The following NUP153 variants were observed in gnomAD, a reference collection of about 807,000 sequenced individuals.
NUP153 encodes the protein nucleoporin 153.
NUP153 carries 27 observed loss-of-function variants against 134.6 expected under a neutral mutation model. The ratio of observed to expected loss-of-function variants is 0.20; its 90% CI spans 0.15 to 0.28. The LOEUF (loss-of-function observed/expected upper bound fraction) is 0.28, where lower values mean the gene tolerates loss of function less well. Ranked by LOEUF, NUP153 falls within the 10% of genes least tolerant of loss-of-function variation. The pLI, the probability that NUP153 is intolerant of heterozygous loss-of-function variation, is 1.00. For missense variants in NUP153, 1,821 were observed against 1,731.3 expected (o/e 1.05, Z -0.92); for synonymous variants, 640 against 623.5 (o/e 1.03, Z -0.40).
rs140998716 is a variant in NUP153 at position 17,642,803 on chromosome 6, G to A, written c.1721-2739C>T. Among the ~76,000 whole-genome samples the A allele has an allele frequency of 9.2e-5, 14 of 152,230 alleles. No homozygotes were observed. In the East Asian group the frequency reaches 2.3e-3, roughly 25 times the overall value. ...ACAGCCCAAATGTCCATTAATGGATGAACAAAAATAAACTGTGGCACATCA... is the reference window on the plus strand; with the variant it reads ...ACAGCCCAAATGTCCATTAATGGATAAACAAAAATAAACTGTGGCACATCA... On this transcript the variant is annotated intron_variant, in intron 14 of 21. Coordinates refer to ENST00000262077, the MANE Select transcript of NUP153 (RefSeq NM_005124.4).
chr6:17,670,960 C>T (rs12523772), intron 5 of NUP153, among the ~76,000 whole-genome samples: 9 of 151,866 alleles, frequency 5.9e-5, no homozygotes, highest in South Asian at 2.1e-4. Context: ...ACAGGCACGT[C>T]CAACTGCAAC....
In NUP153 at chr6:17,639,956, T is replaced by G. The variant is rs2228377; in HGVS notation, c.1829A>C (p.Asp610Ala). The G allele has an allele frequency of 8.8e-4, 1,424 of 1,610,448 alleles. 14 individuals are homozygous for G. The African/African-American group carries it at 0.017, about 19-fold the overall frequency. Residue 610 changes from aspartate to alanine, a missense_variant, in exon 15 of 22, where the codon GAT becomes GCT. Asp to Ala is a moderately radical substitution (Grantham distance 126). Coordinates refer to ENST00000262077, the MANE Select transcript of NUP153 (RefSeq NM_005124.4). ...TATCTTACCAGGGCTTTTCAGAATATCTAGAACACTTCCTTCTTTCAGGAT... is the reference window on the plus strand; with the variant it reads ...TATCTTACCAGGGCTTTTCAGAATAGCTAGAACACTTCCTTCTTTCAGGAT... ...AEILKEGSVL[D>A]ILKSPGFASP...
intron 2 of NUP153, among the ~76,000 whole-genome samples, chr6:17,679,788 A>G (rs1038337998): frequency 1.9e-4 from 29 of 152,344 alleles, no homozygotes; most frequent in African/African-American, 7.0e-4. Flanking sequence ...AAAAGAAAAC[A>G]GCCATTCTTC....
In NUP153 at chr6:17,669,239, C is replaced by T. The variant is rs1361704564; in HGVS notation, c.1014+54G>A. 115 of 1,481,162 alleles carry T rather than the reference C, an allele frequency of 7.8e-5. 4 individuals are homozygous for T. In the South Asian group the frequency reaches 8.4e-4, roughly 11 times the overall value. 91.8% of individuals were successfully genotyped at this position (1,481,162 alleles called of 1,614,324 possible). ...GACTACAGGTGTGCACCACCACACC[C>T]GGCTAATTTTTGTATGAACAATATT... is the stretch of plus-strand genomic sequence containing the variant. On this transcript the variant is annotated intron_variant, in intron 7 of 21. Transcript: ENST00000262077.
rs755775678 is a variant in NUP153 at position 17,629,457 on chromosome 6, A to C, written c.2742T>G (p.Pro914=). ...TTCCAGTGCTTGTTAAAGTCTGAGAAGGCCCAGAAGAGGATGATGAGACAC... is the reference window on the plus strand; with the variant it reads ...TTCCAGTGCTTGTTAAAGTCTGAGACGGCCCAGAAGAGGATGATGAGACAC... ...KFGVSSSSSG[P]SQTLTSTGNF... is the part of the protein sequence containing the mutation. The change falls in exon 18 of 22, where the codon CCT becomes CCG. Residue 914 remains proline, a synonymous_variant. Coordinates refer to ENST00000262077, the MANE Select transcript of NUP153 (RefSeq NM_005124.4). 3 of 1,613,268 alleles carry C rather than the reference A, an allele frequency of 1.9e-6. No homozygotes were observed. In the South Asian group the frequency reaches 3.3e-5, roughly 18 times the overall value.
At chr6:17,637,813 A>ATTTCCTC in intron 15 of NUP153, 43 bp from the exon 16 acceptor site, 1 of 1,537,300 alleles carries the variant, frequency 6.5e-7, no homozygotes. Context: ...GAGAAGCTTT[A>ATTTCCTC]TAAATCAAAG....
At chr6:17,702,185 G>A (rs1213533943) in intron 1 of NUP153, among the ~76,000 whole-genome samples, 1 of 152,142 alleles carries the variant, frequency 6.6e-6, no homozygotes, top group African/African-American at 2.4e-5. Context: ...ATTCTCTTCA[G>A]TTACCTATTC....
At chr6:17,678,198 A>C (rs1768340948) in intron 2 of NUP153, among the ~76,000 whole-genome samples, 3 of 151,816 alleles carry the variant, frequency 2.0e-5, no homozygotes, top group Admixed American at 6.6e-5. Flanking sequence ...CCTACTAAAA[A>C]CACAAAAATT....
At chr6:17,656,206 T>C (rs1164470202) in intron 11 of NUP153, among the ~76,000 whole-genome samples, 1 of 152,092 alleles carries the variant, frequency 6.6e-6, no homozygotes, top group Non-Finnish European at 1.5e-5. Context: ...CTCTGACAAA[T>C]AAATAAACAA....
intron 11 of NUP153, among the ~76,000 whole-genome samples, chr6:17,653,934 C>T (rs868312385): frequency 4.6e-5 from 7 of 152,300 alleles, no homozygotes; most frequent in Admixed American, 2.6e-4. Context: ...CTCTACTTCA[C>T]GCTATGTATG....
chr6:17,651,745 G>C, intron 11 of NUP153: 2 of 419,470 alleles, frequency 4.8e-6, no homozygotes, highest in Admixed American at 3.8e-5. Flanking sequence ...AATCACTATG[G>C]AGCCATAGAA....
In NUP153 at chr6:17,632,799, A is replaced by T; in HGVS notation, c.2510T>A (p.Leu837Gln). 6.3e-7 allele frequency: 1 copy of T among 1,578,556 alleles called. No individual in the cohort carries two copies. The highest frequency in any genetic ancestry group is 8.6e-7 in the Non-Finnish European group (1 of 1,159,644). Residue 837 changes from leucine (L) to glutamine (Q), a missense_variant, in exon 17 of 22, where the codon CTG (leucine) becomes CAG (glutamine). Transcript: ENST00000262077. ...CAATCCTAGAGAGCCTCCAGAAGGCAGAGAGACAGGTACAGTGCTGCTACT... is the reference window on the plus strand; with the variant it reads ...CAATCCTAGAGAGCCTCCAGAAGGCTGAGAGACAGGTACAGTGCTGCTACT... ...ASSSSTVPVS[L>Q]PSGGSLGLEK...
intron 18 of NUP153, among the ~76,000 whole-genome samples, chr6:17,627,359 T>C (rs4716167): frequency 0.46 from 69,876 of 152,134 alleles, 16,738 homozygotes; most frequent in Middle Eastern, 0.75. Context: ...TAGCTATTTG[T>C]TGAATTCCAT....
At chr6:17,631,276 TAA>T (rs1333214701) in intron 17 of NUP153, among the ~76,000 whole-genome samples, 1 of 152,224 alleles carries the variant, frequency 6.6e-6, no homozygotes, top group African/African-American at 2.4e-5. Context: ...GCTCACAATA[TAA>T]AAGGTTTATT....
intron 2 of NUP153, among the ~76,000 whole-genome samples, chr6:17,685,524 G>A (rs534087528): frequency 1.2e-4 from 18 of 150,480 alleles, no homozygotes; most frequent in Admixed American, 1.2e-3. Context: ...ACTCCAGCCT[G>A]GGCAACAGAG....
At chr6:17,643,177 A>G (rs1467310097) in intron 14 of NUP153, among the ~76,000 whole-genome samples, 1 of 152,188 alleles carries the variant, frequency 6.6e-6, no homozygotes, top group East Asian at 1.9e-4. Flanking sequence ...CTTCATCACA[A>G]TAACAAAAAT....
chr6:17,616,550 C>T lies in NUP153; in HGVS notation c.4320G>A (p.Gln1440=). 1 of 1,613,062 alleles carries T rather than the reference C, an allele frequency of 6.2e-7. No homozygotes were observed. Among genetic ancestry groups the T allele is most frequent in the African/African-American group, 1.3e-5 (1 of 74,952 alleles). Reference sequence around the variant, plus strand: ...ACCCCACTGTAAATGCTGCTGGAGACTGGTTAAATGGAAAGCCCCCCGAGC... The same window carrying T: ...ACCCCACTGTAAATGCTGCTGGAGATTGGTTAAATGGAAAGCCCCCCGAGC... ...PSGSGGFPFN[Q]SPAAFTVGSN... Residue 1440 remains glutamine, a synonymous_variant, in exon 21 of 22, where the codon CAG becomes CAA. Coordinates refer to ENST00000262077, the MANE Select transcript of NUP153 (RefSeq NM_005124.4).
At chr6:17,697,641 T>C (rs1167234819) in intron 1 of NUP153, among the ~76,000 whole-genome samples, 1 of 151,934 alleles carries the variant, frequency 6.6e-6, no homozygotes, top group Non-Finnish European at 1.5e-5. Context: ...TGAGCCGAGA[T>C]CACATCACTG....
At position 17,675,109 on chromosome 6, in the gene NUP153, C is replaced by T; in HGVS notation, c.724-76G>A. 1 of 1,558,978 alleles carries T rather than the reference C, an allele frequency of 6.4e-7. No individual in the cohort carries two copies. The highest frequency in any genetic ancestry group is 1.8e-5 in the Admixed American group (1 of 54,874). ...GAGGTTGCAGTGAGTTAAGATCATG[C>T]TGCTACACACTCAAGCCTGGGCAAC... On this transcript the variant is annotated intron_variant, in intron 4 of 21. Coordinates refer to ENST00000262077, the MANE Select transcript of NUP153 (RefSeq NM_005124.4). This position sits in a 1 kb window ranked among gnomAD's most constrained non-coding sequence, Gnocchi z 4.4.
Sources: allele counts gnomAD v4.1 joint callset (sites outside exome capture counted in the v4.1 genomes callset), GRCh38; gene constraint gnomAD v4.1.1; non-coding constraint Gnocchi (gnomAD v3.1); transcripts MANE v1.5; gene names NCBI Gene and HGNC (gene_info 2026-07-23, HGNC 2026-07-21).